PDE4D: variants seen among roughly 807,000 people sequenced by gnomAD.
PDE4D encodes phosphodiesterase 4D, also known as 3',5'-cyclic-AMP phosphodiesterase 4D.
Under a neutral mutation model 87.4 loss-of-function variants are expected in PDE4D, and 24 were observed. That is an observed-to-expected ratio of 0.27 (90% CI 0.20 to 0.39). The LOEUF (loss-of-function observed/expected upper bound fraction) is 0.39, where lower values mean the gene tolerates loss of function less well. Among genes scored for constraint, PDE4D ranks in the 10% least tolerant of loss-of-function variants. PDE4D has a pLI of 1.00. For synonymous variants in PDE4D, 384 were observed against 383.2 expected (o/e 1.00, Z -0.02); for missense variants, 714 against 1,041.0 (o/e 0.69, Z 4.32).
chr5:59,196,345 T>C (rs1361236859), intron 2 of PDE4D, among the ~76,000 whole-genome samples: 1 of 152,178 alleles, frequency 6.6e-6, no homozygotes, highest in Non-Finnish European at 1.5e-5. Flanking sequence ...CTGATTCCTA[T>C]GGAACAGCTT....
intron 1 of PDE4D, among the ~76,000 whole-genome samples, chr5:59,384,071 GTTTT>G (rs79626256): frequency 0.38 from 57,081 of 151,272 alleles, 12,118 homozygotes; most frequent in African/African-American, 0.58. Context: ...TATTTTTTTA[GTTTT>G]TTTTATTTTT....
intron 1 of PDE4D, among the ~76,000 whole-genome samples, chr5:59,459,800 A>T (rs1374446522): frequency 6.6e-6 from 1 of 152,186 alleles, no homozygotes; most frequent in Non-Finnish European, 1.5e-5. Flanking sequence ...CAGATCTCTA[A>T]TCATCTGACA....
intron 1 of PDE4D, among the ~76,000 whole-genome samples, chr5:59,345,329 C>G (rs888808124): frequency 7.9e-5 from 12 of 152,066 alleles, no homozygotes; most frequent in African/African-American, 2.7e-4. Flanking sequence ...AGCAAGAACT[C>G]AAAGTACGAC....
intron 1 of PDE4D, among the ~76,000 whole-genome samples, chr5:59,329,263 A>G (rs767303803): frequency 2.6e-5 from 4 of 152,194 alleles, no homozygotes; most frequent in Non-Finnish European, 5.9e-5. Context: ...CAACTGTTAC[A>G]TCAGCATTAT....
At chr5:58,985,452 A>G (rs1408920336) in intron 11 of PDE4D, among the ~76,000 whole-genome samples, 2 of 152,232 alleles carry the variant, frequency 1.3e-5, no homozygotes, top group African/African-American at 4.8e-5. Flanking sequence ...AACTGAAATA[A>G]TTAAGAAAAA....
At chr5:59,179,263 T>G (rs1345439576) in intron 5 of PDE4D, among the ~76,000 whole-genome samples, 1 of 151,968 alleles carries the variant, frequency 6.6e-6, no homozygotes, top group Non-Finnish European at 1.5e-5. Flanking sequence ...CTCGCCACCA[T>G]GCTAAGTTTT....
intron 1 of PDE4D, among the ~76,000 whole-genome samples, chr5:59,537,370 C>A (rs1231503721): frequency 6.6e-6 from 1 of 152,126 alleles, no homozygotes; most frequent in African/African-American, 2.4e-5. Flanking sequence ...CTTAGCCGAC[C>A]AAAGTAATGC....
chr5:59,947,176 A>T (rs1411111211), intron 3 of PDE4D, among the ~76,000 whole-genome samples: 1 of 152,232 alleles, frequency 6.6e-6, no homozygotes, highest in East Asian at 1.9e-4. Flanking sequence ...ACATTTGGCT[A>T]TTTCCAAATC....
At chr5:60,312,983 T>A (rs759844258) in intron 1 of PDE4D, among the ~76,000 whole-genome samples, 1 of 152,052 alleles carries the variant, frequency 6.6e-6, no homozygotes, top group African/African-American at 2.4e-5. Flanking sequence ...GTTAGGAAGA[T>A]TTTAATTTAA....
chr5:59,838,243 G>T (rs1277961878), intron 1 of PDE4D, among the ~76,000 whole-genome samples: 2 of 151,980 alleles, frequency 1.3e-5, no homozygotes, highest in African/African-American at 4.8e-5. Context: ...CCACCTCCAC[G>T]TGGCACTAAG....
At chr5:59,646,658 T>A (rs1165959640) in intron 1 of PDE4D, among the ~76,000 whole-genome samples, 1 of 152,206 alleles carries the variant, frequency 6.6e-6, no homozygotes, top group Non-Finnish European at 1.5e-5. Context: ...TTTGAACGCT[T>A]GTTTGGCTTA....
intron 1 of PDE4D, among the ~76,000 whole-genome samples, chr5:59,456,667 T>C (rs1263027944): frequency 6.6e-6 from 1 of 152,132 alleles, no homozygotes; most frequent in Non-Finnish European, 1.5e-5. Context: ...TGTATATGGA[T>C]AAAGAAAATT....
chr5:60,102,045 C>T (rs1313995416), intron 2 of PDE4D, among the ~76,000 whole-genome samples: 5 of 152,026 alleles, frequency 3.3e-5, no homozygotes, highest in African/African-American at 1.2e-4. Context: ...CACTGATGTA[C>T]TTCACATTTA....
intron 1 of PDE4D, among the ~76,000 whole-genome samples, chr5:59,658,402 G>A (rs1744715992): frequency 6.7e-6 from 1 of 149,932 alleles, no homozygotes; most frequent in South Asian, 2.1e-4. Flanking sequence ...TTTTTTTTGA[G>A]ACGGAGTCTC....
At chr5:60,223,094 T>A (rs771774751) in intron 1 of PDE4D, among the ~76,000 whole-genome samples, 1 of 152,158 alleles carries the variant, frequency 6.6e-6, no homozygotes, top group African/African-American at 2.4e-5. Context: ...TGGTTGGCAC[T>A]GCACTGAATG....
intron 1 of PDE4D, among the ~76,000 whole-genome samples, chr5:59,884,042 A>C (rs1249257999): frequency 6.6e-6 from 1 of 152,136 alleles, no homozygotes; most frequent in Non-Finnish European, 1.5e-5. Context: ...TTATAAAAAC[A>C]ACACATGCTC....
intron 3 of PDE4D, 112 bp downstream of exon 3, chr5:59,193,388 A>G: frequency 9.9e-7 from 1 of 1,011,216 alleles, no homozygotes; most frequent in East Asian, 2.6e-5. Context: ...AAGAATTTGT[A>G]TTTGTACTTG....
At position 58,973,684 on chromosome 5, in the gene PDE4D, A is replaced by AAAAGT. The variant is rs1210076674; in HGVS notation, c.*975_*979dup. 3.3e-5 allele frequency: 5 copies of AAAAGT among 152,660 alleles called. No homozygotes were observed. The East Asian group carries it at 9.6e-4, about 29-fold the overall frequency. 9.5% of individuals were successfully genotyped at this position (152,660 alleles called of 1,614,324 possible). A position where few individuals can be genotyped will look rare whatever the true frequency, so the allele number is the denominator to read the frequency against. ...AAGACACATTTGATATAACACACAT[A>AAAAGT]AAAGTATTATAGAACAAATAGTCAC... On this transcript the variant is annotated 3_prime_UTR_variant, in exon 15 of 15. Transcript: ENST00000340635.
intron 3 of PDE4D, among the ~76,000 whole-genome samples, chr5:59,938,960 G>A (rs564927453): frequency 2.0e-5 from 3 of 152,304 alleles, no homozygotes; most frequent in Non-Finnish European, 2.9e-5. Flanking sequence ...GCAGGACCAT[G>A]AGACTAGTTA....
Sources: gnomAD v4.1 joint callset for allele counts (sites outside exome capture counted in the v4.1 genomes callset) on GRCh38, gnomAD v4.1.1 for gene constraint, MANE v1.5 for transcripts, NCBI Gene and HGNC (gene_info 2026-07-23, HGNC 2026-07-21) for gene names.